The following GABRG3 variants were observed in gnomAD, a reference collection of about 807,000 sequenced individuals.
GABRG3 encodes the protein gamma-aminobutyric acid receptor subunit gamma-3.
Under a neutral mutation model 48.8 loss-of-function variants are expected in GABRG3, and 25 were observed. The observed-to-expected ratio is 0.51, with a 90% CI of 0.37 to 0.72. The LOEUF (loss-of-function observed/expected upper bound fraction) is 0.72, where lower values mean the gene tolerates loss of function less well. Ranked by LOEUF, GABRG3 falls within the 30% of genes least tolerant of loss-of-function variation. The pLI, the probability that GABRG3 is intolerant of heterozygous loss-of-function variation, is 0.00. For synonymous variants in GABRG3, 227 were observed against 217.6 expected (o/e 1.04, Z -0.38); for missense variants, 394 against 577.9 (o/e 0.68, Z 3.26).
At chr15:27,519,734 G>A (rs540690637) in intron 6 of GABRG3, among the ~76,000 whole-genome samples, 7 of 152,126 alleles carry the variant, frequency 4.6e-5, no homozygotes, top group South Asian at 2.1e-4. Context: ...CACTCTATCC[G>A]TGAATATGTT....
Position 27,132,668 on chromosome 15 carries a change from G to A in GABRG3, c.270+105847G>A, listed in dbSNP as rs548918662. On this transcript the variant is annotated intron_variant, in intron 3 of 9. Coordinates refer to ENST00000615808, the MANE Select transcript of GABRG3 (RefSeq NM_033223.5). ...GGTTGTAATGTCTCTTTCATCTTTT[G>A]GTGCTGAGTTTAGTTACATGCATTT... Among the ~76,000 whole-genome samples the A allele has an allele frequency of 2.1e-4, 32 of 149,950 alleles. No individual in the cohort carries two copies. The South Asian group carries it at 6.8e-3, about 32-fold the overall frequency.
intron 3 of GABRG3, among the ~76,000 whole-genome samples, chr15:27,124,968 G>C (rs1274144447): frequency 6.6e-6 from 1 of 152,148 alleles, no homozygotes; most frequent in East Asian, 1.9e-4. Context: ...GCGCACTCTG[G>C]TACTATTCTT....
intron 5 of GABRG3, 51 bp downstream of exon 5, chr15:27,328,939 G>A (rs1893713962): frequency 9.5e-6 from 13 of 1,373,024 alleles, no homozygotes; most frequent in African/African-American, 5.7e-5. Context: ...GGGATGCCTA[G>A]CCTGGTACTG....
At chr15:27,206,779 G>A (rs1250607648) in intron 3 of GABRG3, among the ~76,000 whole-genome samples, 1 of 152,112 alleles carries the variant, frequency 6.6e-6, no homozygotes, top group East Asian at 1.9e-4. Context: ...TGTTTTTATT[G>A]AATGGAACCC....
intron 3 of GABRG3, among the ~76,000 whole-genome samples, chr15:27,243,689 A>G (rs1160643149): frequency 6.6e-6 from 1 of 152,096 alleles, no homozygotes; most frequent in Non-Finnish European, 1.5e-5. Context: ...GTCTTTCTAT[A>G]TGGTTTGGCC....
At chr15:27,261,909 C>T (rs1446694100) in intron 3 of GABRG3, among the ~76,000 whole-genome samples, 1 of 151,752 alleles carries the variant, frequency 6.6e-6, no homozygotes, top group African/African-American at 2.4e-5. Context: ...CTGTAAGCCT[C>T]TGGGTTCCAT....
rs1334375163 is a variant in GABRG3, at chr15:27,126,624, C to T, written c.270+99803C>T. On this transcript the variant is annotated intron_variant, in intron 3 of 9. Coordinates refer to ENST00000615808, the MANE Select transcript of GABRG3 (RefSeq NM_033223.5). The stretch of plus-strand genomic sequence containing the variant: ...TGCTGGGGCGAGGCCTTTCCGAGCT[C>T]CCCTGCCCTCTGCTGTGGTGAGTCA... Among the ~76,000 whole-genome samples the T allele has an allele frequency of 2.6e-5, 4 of 152,308 alleles. No homozygotes were observed. The East Asian group carries it at 7.7e-4, about 29-fold the overall frequency.
intron 3 of GABRG3, among the ~76,000 whole-genome samples, chr15:27,313,238 A>G (rs1244767725): frequency 2.6e-5 from 2 of 77,600 alleles, no homozygotes; most frequent in African/African-American, 6.0e-5. Context: ...GTATATGTAT[A>G]TATGTGTGTG....
intron 3 of GABRG3, among the ~76,000 whole-genome samples, chr15:27,156,079 C>T (rs573290557): frequency 6.6e-6 from 1 of 151,966 alleles, no homozygotes; most frequent in Non-Finnish European, 1.5e-5. Context: ...GCAGGCGGAT[C>T]ATGAGGTCAA....
rs1894909396 is a variant in GABRG3, at chr15:26,974,874, T to C, written c.54-2128T>C. 6.8e-6 allele frequency among the ~76,000 whole-genome samples: 1 copy of C among 146,884 alleles called. No homozygotes were observed. Among genetic ancestry groups the C allele is most frequent in the Non-Finnish European group, 1.5e-5 (1 of 67,106 alleles). ...ATTATTATTATTATTATTATTATTA[T>C]TATTATTATTATTATTTGAGATGGA... On this transcript the variant is annotated intron_variant, in intron 1 of 9. Transcript: ENST00000615808. This position sits in a 1 kb window ranked among gnomAD's most constrained non-coding sequence, Gnocchi z 4.3.
rs542332282 is a variant in GABRG3 at position 27,334,287 on chromosome 15, TACAC to T, written c.574+5405_574+5408del. 1.7e-3 allele frequency among the ~76,000 whole-genome samples: 255 copies of T among 152,214 alleles called. 1 individual carries two copies. The highest frequency in any genetic ancestry group is 5.9e-3 in the African/African-American group (244 of 41,540). On this transcript the variant is annotated intron_variant, in intron 5 of 9. Coordinates refer to ENST00000615808, the MANE Select transcript of GABRG3 (RefSeq NM_033223.5). ...AAAGAGAGGTATCTCTTCACACACA[TACAC>T]ACACAGGCACACACATGCATATACA... is the stretch of plus-strand genomic sequence containing the variant.
chr15:27,090,096 A>G lies in GABRG3; in HGVS notation c.270+63275A>G, dbSNP rs539441242. Among the ~76,000 whole-genome samples the G allele has an allele frequency of 9.2e-5, 14 of 152,300 alleles. No individual in the cohort carries two copies. In the East Asian group the frequency reaches 2.3e-3, roughly 25 times the overall value. On this transcript the variant is annotated intron_variant, in intron 3 of 9. Transcript: ENST00000615808. ...CTGACTTAAGATTTTTTGACTTTAC[A>G]ATGGAGTGAGAGCACTACACGCTCA...
chr15:27,374,138 C>CTTTTTTTTT (rs201839822), intron 5 of GABRG3, among the ~76,000 whole-genome samples: 97 of 91,586 alleles, frequency 1.1e-3, no homozygotes, highest in Non-Finnish European at 1.2e-3. Context: ...TTCTTTTCTT[C>CTTTTTTTTT]TTTTTTTTTT....
At chr15:27,098,844 G>A (rs1897309377) in intron 3 of GABRG3, among the ~76,000 whole-genome samples, 1 of 151,858 alleles carries the variant, frequency 6.6e-6, no homozygotes, top group South Asian at 2.1e-4. Context: ...CAGTCAAGAT[G>A]GAGCTGCCCC....
At position 27,308,690 on chromosome 15, in the gene GABRG3, CAT is replaced by C. The variant is rs558957313; in HGVS notation, c.271-18115_271-18114del. Among the ~76,000 whole-genome samples, 158 of 148,710 alleles carry C rather than the reference CAT, an allele frequency of 1.1e-3. 1 individual carries two copies. The highest frequency in any genetic ancestry group is 2.2e-3 in the African/African-American group (89 of 40,850). ...ATGTAAACATACGCTTATGTATAAA[CAT>C]ATAATGTAAACATACGTTTATATGT... On this transcript the variant is annotated intron_variant, in intron 3 of 9. Coordinates refer to ENST00000615808, the MANE Select transcript of GABRG3 (RefSeq NM_033223.5).
At chr15:27,328,729 A>G in intron 4 of GABRG3, 77 bp from the exon 5 acceptor site, 1 of 1,238,258 alleles carries the variant, frequency 8.1e-7, no homozygotes, top group South Asian at 1.2e-5. Context: ...CTCCATCCCC[A>G]CATGGGGTGC....
chr15:27,527,663 A>C, intron 8 of GABRG3, 34 bp downstream of exon 8: 5 of 1,556,370 alleles, frequency 3.2e-6, no homozygotes, highest in Non-Finnish European at 3.5e-6. Flanking sequence ...TCCGGGAGGT[A>C]ATGGGGGCGC....
At chr15:27,161,908 G>T (rs766338503) in intron 3 of GABRG3, among the ~76,000 whole-genome samples, 3 of 152,112 alleles carry the variant, frequency 2.0e-5, no homozygotes, top group African/African-American at 4.8e-5. Context: ...TGCCATTATT[G>T]TGTGCTACCA....
intron 5 of GABRG3, among the ~76,000 whole-genome samples, chr15:27,438,448 A>C (rs1390207009): frequency 6.6e-6 from 1 of 152,222 alleles, no homozygotes; most frequent in Non-Finnish European, 1.5e-5. Flanking sequence ...GGTAATACAT[A>C]GGCTGGCATT....
Sources: allele counts gnomAD v4.1 joint callset (sites outside exome capture counted in the v4.1 genomes callset), GRCh38; gene constraint gnomAD v4.1.1; non-coding constraint Gnocchi (gnomAD v3.1); transcripts MANE v1.5; gene names NCBI Gene and HGNC (gene_info 2026-07-23, HGNC 2026-07-21).